Variants in HDAC4 observed in about 807,000 individuals in gnomAD.
The protein encoded by HDAC4 is histone deacetylase 4.
Under a neutral mutation model 135.1 loss-of-function variants are expected in HDAC4, and 16 were observed. The ratio of observed to expected loss-of-function variants is 0.12; its 90% CI spans 0.08 to 0.18. The LOEUF (loss-of-function observed/expected upper bound fraction) is 0.18, where lower values mean the gene tolerates loss of function less well. Among genes scored for constraint, HDAC4 ranks in the 10% least tolerant of loss-of-function variants. The pLI is 1.00. For missense variants in HDAC4, 1,143 were observed against 1,511.8 expected (o/e 0.76, Z 4.05); for synonymous variants, 685 against 653.4 (o/e 1.05, Z -0.74).
At chr2:239,355,384 T>C (rs931298123) in intron 1 of HDAC4, among the ~76,000 whole-genome samples, 1 of 152,220 alleles carries the variant, frequency 6.6e-6, no homozygotes, top group African/African-American at 2.4e-5. Flanking sequence ...TGTTCTTCAC[T>C]TCACTGCTGC....
Position 239,179,949 on chromosome 2 carries a change from G to A in HDAC4, c.340-3386C>T, listed in dbSNP as rs111906973. Among the ~76,000 whole-genome samples the A allele has an allele frequency of 5.8e-3, 880 of 152,358 alleles. 6 individuals carry two copies. The highest frequency in any genetic ancestry group is 0.019 in the African/African-American group (809 of 41,582). On this transcript the variant is annotated intron_variant, in intron 4 of 26. Transcript: ENST00000543185. ...GTGTGCGTTCTGAATGTGAGTGAGC[G>A]CGTGGGATTGAGCATGTGTGCTCCA...
At position 239,160,442 on chromosome 2, in the gene HDAC4, C is replaced by T. The variant is rs985836105; in HGVS notation, c.611+3361G>A. On this transcript the variant is annotated intron_variant, in intron 6 of 26. Coordinates refer to ENST00000543185, the MANE Select transcript of HDAC4 (RefSeq NM_001378414.1). ...TCTTAAAGCTGGAAGCGGTGACTCA[C>T]GTAAACACCCACAGAGTCCACGCCC... Among the ~76,000 whole-genome samples the T allele has an allele frequency of 2.0e-4, 30 of 152,228 alleles. 1 individual carries two copies. Among genetic ancestry groups the T allele is most frequent in the African/African-American group, 5.5e-4 (23 of 41,460 alleles).
At chr2:239,116,606 T>C (rs553317278) in intron 12 of HDAC4, among the ~76,000 whole-genome samples, 4 of 152,216 alleles carry the variant, frequency 2.6e-5, no homozygotes, top group Admixed American at 6.5e-5. Flanking sequence ...ATCTTCTTCA[T>C]GTAGCAGTGA....
intron 22 of HDAC4, among the ~76,000 whole-genome samples, chr2:239,073,666 A>G (rs1016178872): frequency 6.6e-6 from 1 of 151,830 alleles, no homozygotes; most frequent in South Asian, 2.1e-4. Flanking sequence ...ACCTACTGGG[A>G]CCCCACCACA....
intron 2 of HDAC4, among the ~76,000 whole-genome samples, chr2:239,320,530 A>T (rs572295865): frequency 5.9e-5 from 9 of 152,130 alleles, no homozygotes; most frequent in African/African-American, 1.7e-4. Flanking sequence ...AATTGGTAGG[A>T]CTCTTCTGTT....
intron 13 of HDAC4, among the ~76,000 whole-genome samples, chr2:239,113,228 C>A (rs995263186): frequency 6.6e-6 from 1 of 152,102 alleles, no homozygotes; most frequent in South Asian, 2.1e-4. Context: ...CTAGCCTGGG[C>A]AACAGAGTGA....
At chr2:239,173,315 G>A (rs1192637512) in intron 5 of HDAC4, among the ~76,000 whole-genome samples, 1 of 151,254 alleles carries the variant, frequency 6.6e-6, no homozygotes, top group Non-Finnish European at 1.5e-5. Flanking sequence ...CAATCAAGTT[G>A]ACTGGGGTTA....
At chr2:239,394,515 C>A (rs996202213) in intron 1 of HDAC4, among the ~76,000 whole-genome samples, 1 of 152,242 alleles carries the variant, frequency 6.6e-6, no homozygotes, top group Non-Finnish European at 1.5e-5. Context: ...ACAACAGTCG[C>A]ATTTGCCACT....
intron 3 of HDAC4, among the ~76,000 whole-genome samples, chr2:239,202,247 G>A (rs1332301669): frequency 6.6e-6 from 1 of 152,186 alleles, no homozygotes; most frequent in Non-Finnish European, 1.5e-5. Flanking sequence ...ACTGCAGGAT[G>A]GTATTTGTCA....
Position 239,134,239 on chromosome 2 carries a change from G to A in HDAC4, c.1294+6C>T, listed in dbSNP as rs1156373977. The stretch of plus-strand genomic sequence containing the variant: ...CCTGGCTGCACCCAGGCCCATTTGT[G>A]CTCACCTGTGACGAGGGGTGCTTGT... On this transcript the variant is annotated splice_donor_region_variant and intron_variant, in intron 11 of 26. Transcript: ENST00000543185. 2 of 1,607,920 alleles carry A rather than the reference G, an allele frequency of 1.2e-6. 1 individual carries two copies. Among genetic ancestry groups the A allele is most frequent in the South Asian group, 2.2e-5 (2 of 91,000 alleles).
In HDAC4 at chr2:239,299,685, G is replaced by T. The variant is rs2052132570; in HGVS notation, c.22+52993C>A. ...GAGAAGCGTCATGGGTAGAATCACG[G>T]AGCAAGGTCCTGCCCACCTGCACTG... On this transcript the variant is annotated intron_variant, in intron 2 of 26. Coordinates refer to ENST00000543185, the MANE Select transcript of HDAC4 (RefSeq NM_001378414.1). This position sits in a 1 kb window ranked among gnomAD's most constrained non-coding sequence, Gnocchi z 4.0. 1.3e-5 allele frequency among the ~76,000 whole-genome samples: 2 copies of T among 152,210 alleles called. No homozygotes were observed. The highest frequency in any genetic ancestry group is 4.1e-4 in the South Asian group (2 of 4,830).
Position 239,163,933 on chromosome 2 carries a change from G to A in HDAC4, c.491-10C>T. 17 of 1,614,000 alleles carry A rather than the reference G, an allele frequency of 1.1e-5. No homozygotes were observed. The highest frequency in any genetic ancestry group is 1.4e-5 in the Non-Finnish European group (16 of 1,180,022). On this transcript the variant is annotated splice_polypyrimidine_tract_variant and intron_variant, in intron 5 of 26. Transcript: ENST00000543185. ...GTGCTGGCCACGGCACCTGGCGTGG[G>A]AGAAAGCATAGCAGGGGGTGAAGTG...
At chr2:239,056,186 G>A (rs1047182945) in intron 24 of HDAC4, among the ~76,000 whole-genome samples, 1 of 152,168 alleles carries the variant, frequency 6.6e-6, no homozygotes, top group East Asian at 1.9e-4. Context: ...GAGCACAGCC[G>A]GTTAACTTCC....
rs563099111 is a variant in HDAC4 at position 239,250,942 on chromosome 2, G to A, written c.23-14278C>T. On this transcript the variant is annotated intron_variant, in intron 2 of 26. Coordinates refer to ENST00000543185, the MANE Select transcript of HDAC4 (RefSeq NM_001378414.1). Reference sequence around the variant, plus strand: ...GGGGAACCTGCCCACGTGTGTTCACGTGCCCCCGCCACACGCCTGGTTCAC... The same window carrying A: ...GGGGAACCTGCCCACGTGTGTTCACATGCCCCCGCCACACGCCTGGTTCAC... Among the ~76,000 whole-genome samples, 5 of 152,238 alleles carry A rather than the reference G, an allele frequency of 3.3e-5. No homozygotes were observed. The South Asian group carries it at 6.2e-4, about 19-fold the overall frequency.
intron 12 of HDAC4, among the ~76,000 whole-genome samples, chr2:239,117,147 G>A (rs1374980206): frequency 1.3e-5 from 2 of 152,220 alleles, no homozygotes; most frequent in African/African-American, 2.4e-5. Flanking sequence ...ACCTCAATGC[G>A]CTCTGGGAGC....
chr2:239,354,840 G>C (rs1049900541), intron 1 of HDAC4, among the ~76,000 whole-genome samples: 1 of 152,244 alleles, frequency 6.6e-6, no homozygotes, highest in South Asian at 2.1e-4. Context: ...AGGGAATGTA[G>C]ATGGCATATT....
At chr2:239,373,489 G>A (rs564163073) in intron 1 of HDAC4, among the ~76,000 whole-genome samples, 3 of 152,232 alleles carry the variant, frequency 2.0e-5, no homozygotes, top group Non-Finnish European at 4.4e-5. Context: ...TTTGTTTTGA[G>A]ACAGAGTCTC....
At chr2:239,071,244 C>G (rs994639359) in intron 22 of HDAC4, among the ~76,000 whole-genome samples, 1 of 151,908 alleles carries the variant, frequency 6.6e-6, no homozygotes, top group Non-Finnish European at 1.5e-5. Flanking sequence ...ATGGTGAAAC[C>G]CCATCTCCAC....
In HDAC4 at chr2:239,115,343, G is replaced by A. The variant is rs778320861; in HGVS notation, c.1534-33C>T. On this transcript the variant is annotated intron_variant, in intron 12 of 26. Coordinates refer to ENST00000543185, the MANE Select transcript of HDAC4 (RefSeq NM_001378414.1). The surrounding 1 kb of genome is among the most constrained non-coding windows in gnomAD (Gnocchi z 6.3). ...GCGGAGGTAACACATGAAGCACAGA[G>A]AGCTGGGTCCTCTGAGCTCATCTGA... The A allele has an allele frequency of 1.9e-5, 30 of 1,612,318 alleles. No individual in the cohort carries two copies. The highest frequency in any genetic ancestry group is 2.5e-5 in the Non-Finnish European group (30 of 1,179,714).
Sources: allele counts gnomAD v4.1 joint callset (sites outside exome capture counted in the v4.1 genomes callset), GRCh38; gene constraint gnomAD v4.1.1; non-coding constraint Gnocchi (gnomAD v3.1); transcripts MANE v1.5; gene names NCBI Gene and HGNC (gene_info 2026-07-23, HGNC 2026-07-21).